RPGRIP1L: variants seen among roughly 807,000 people sequenced by gnomAD.
The protein encoded by RPGRIP1L is protein fantom.
RPGRIP1L carries 131 observed loss-of-function variants against 160.4 expected under a neutral mutation model. The observed-to-expected ratio is 0.82, with a 90% CI of 0.71 to 0.94. The LOEUF is 0.94. Among genes scored for constraint, RPGRIP1L ranks in the 40% least tolerant of loss-of-function variants. The pLI is 0.00. For missense variants in RPGRIP1L, 1,522 were observed against 1,535.8 expected (o/e 0.99, Z 0.15); for synonymous variants, 510 against 515.8 (o/e 0.99, Z 0.15).
At chr16:53,644,009 T>C (rs1047706745) in intron 17 of RPGRIP1L, among the ~76,000 whole-genome samples, 1 of 152,186 alleles carries the variant, frequency 6.6e-6, no homozygotes, top group Admixed American at 6.5e-5. Context: ...ATAATGATAA[T>C]GTTTTATCAA....
chr16:53,633,877 T>G (rs1864181237), intron 22 of RPGRIP1L, among the ~76,000 whole-genome samples: 1 of 152,218 alleles, frequency 6.6e-6, no homozygotes, highest in Non-Finnish European at 1.5e-5. Context: ...AAAGGTTCTA[T>G]TATTCATATT....
In RPGRIP1L at chr16:53,633,619, A is replaced by G. The variant is rs80355602; in HGVS notation, c.3294+2820T>C. On this transcript the variant is annotated intron_variant, in intron 22 of 26. Coordinates refer to ENST00000647211, the MANE Select transcript of RPGRIP1L (RefSeq NM_015272.5). ...AATGAAAACCGTAGATTAGATAACA[A>G]TATTATATAATTGTTCTGAAGTGTT... Among the ~76,000 whole-genome samples the G allele has an allele frequency of 5.6e-3, 854 of 152,346 alleles. 7 individuals are homozygous for G. Among genetic ancestry groups the G allele is most frequent in the Non-Finnish European group, 7.4e-3 (500 of 68,026 alleles).
chr16:53,633,864 G>A (rs529933023), intron 22 of RPGRIP1L, among the ~76,000 whole-genome samples: 1 of 152,172 alleles, frequency 6.6e-6, no homozygotes, highest in Non-Finnish European at 1.5e-5. Context: ...AATCTTTAAA[G>A]AGAAAGGTTC....
chr16:53,669,426 A>G (rs1174769952), intron 9 of RPGRIP1L, among the ~76,000 whole-genome samples: 1 of 151,834 alleles, frequency 6.6e-6, no homozygotes. Flanking sequence ...TTAGTGTGAC[A>G]GGAAAAAAAT....
At chr16:53,695,469 A>C (rs1331600664) in intron 3 of RPGRIP1L, 5 of 702,784 alleles carry the variant, frequency 7.1e-6, no homozygotes, top group South Asian at 3.0e-5. Flanking sequence ...CTAGAACATA[A>C]ATATGAATAC....
At chr16:53,689,882 G>T (rs922061108) in intron 4 of RPGRIP1L, among the ~76,000 whole-genome samples, 1 of 152,206 alleles carries the variant, frequency 6.6e-6, no homozygotes, top group Non-Finnish European at 1.5e-5. Context: ...ATCACCAAGA[G>T]AGTACAAATG....
chr16:53,646,059 C>T, intron 16 of RPGRIP1L, 56 bp from the exon 17 acceptor site: 1 of 1,511,682 alleles, frequency 6.6e-7, no homozygotes, highest in Non-Finnish European at 9.2e-7. Flanking sequence ...AGATGAACAG[C>T]AGCTGCCAAG....
At chr16:53,604,750 A>G (rs777917016) in intron 26 of RPGRIP1L, among the ~76,000 whole-genome samples, 9 of 152,244 alleles carry the variant, frequency 5.9e-5, no homozygotes, top group African/African-American at 1.7e-4. Flanking sequence ...CTTGAGAAAG[A>G]CATTATCAGG....
intron 8 of RPGRIP1L, 100 bp from the exon 9 acceptor site, chr16:53,671,683 T>A (rs1968749970): frequency 1.6e-6 from 1 of 627,630 alleles, no homozygotes; most frequent in Admixed American, 3.0e-5. Context: ...AAGGTTAACA[T>A]GTTTTAATCT....
intron 17 of RPGRIP1L, among the ~76,000 whole-genome samples, chr16:53,644,355 A>G (rs1228239422): frequency 6.6e-6 from 1 of 152,154 alleles, no homozygotes; most frequent in Non-Finnish European, 1.5e-5. Context: ...CATCAAACAT[A>G]CCAGCATATG....
Position 53,636,422 on chromosome 16 carries a change from G to T in RPGRIP1L, c.3294+17C>A. On this transcript the variant is annotated intron_variant, in intron 22 of 26. Transcript: ENST00000647211. ...GCCTTATTTCAGAACATTTCTAGTT[G>T]GCATCAAGTTACTGACCTGTTTGAT... is the stretch of plus-strand genomic sequence containing the variant. The T allele has an allele frequency of 6.5e-7, 1 of 1,543,414 alleles. No individual in the cohort carries two copies. The highest frequency in any genetic ancestry group is 9.0e-7 in the Non-Finnish European group (1 of 1,115,806).
intron 1 of RPGRIP1L, 108 bp from the exon 2 acceptor site, chr16:53,700,838 C>A (rs1351733290): frequency 1.3e-5 from 10 of 792,494 alleles, no homozygotes; most frequent in Middle Eastern, 2.3e-4. Context: ...TAATGGGCAT[C>A]TTATTGTCCA....
intron 14 of RPGRIP1L, among the ~76,000 whole-genome samples, 177 bp downstream of exon 14, chr16:53,656,295 T>A (rs1967250827): frequency 6.6e-6 from 1 of 151,972 alleles, no homozygotes; most frequent in African/African-American, 2.4e-5. Flanking sequence ...ACAAAAAAAT[T>A]AAAAATTAGG....
chr16:53,644,240 A>G (rs1351388873), intron 17 of RPGRIP1L, among the ~76,000 whole-genome samples: 6 of 152,276 alleles, frequency 3.9e-5, no homozygotes, highest in African/African-American at 1.4e-4. Context: ...TGGTAGAAGA[A>G]AGAATTAATG....
At chr16:53,664,162 A>T (rs1968045776) in intron 10 of RPGRIP1L, among the ~76,000 whole-genome samples, 1 of 152,226 alleles carries the variant, frequency 6.6e-6, no homozygotes, top group Non-Finnish European at 1.5e-5. Context: ...ATTTGTGTGT[A>T]TATCTATGTG....
chr16:53,679,462 C>T (rs1447132706), intron 6 of RPGRIP1L, among the ~76,000 whole-genome samples: 2 of 151,280 alleles, frequency 1.3e-5, no homozygotes, highest in South Asian at 2.1e-4. Flanking sequence ...AGTGCAGTGT[C>T]GTGATCTCGG....
intron 3 of RPGRIP1L, chr16:53,695,323 G>C: frequency 1.4e-6 from 1 of 702,414 alleles, no homozygotes; most frequent in South Asian, 1.5e-5. Context: ...AAAGTAAAAG[G>C]CCTGCACATA....
rs1427891079 is a variant in RPGRIP1L, at chr16:53,671,600, A to G, written c.1030-17T>C. The G allele has an allele frequency of 7.5e-7, 1 of 1,329,988 alleles. No homozygotes were observed. Among genetic ancestry groups the G allele is most frequent in the South Asian group, 1.2e-5 (1 of 80,426 alleles). 82.4% of individuals were successfully genotyped at this position (1,329,988 alleles called of 1,614,324 possible). The stretch of plus-strand genomic sequence containing the variant: ...ATCCTGCAGCTAAAATGAAAATAAA[A>G]TTACATATTAAGTAAATATTATATA... On this transcript the variant is annotated splice_polypyrimidine_tract_variant and intron_variant, in intron 8 of 26. Transcript: ENST00000647211.
chr16:53,647,744 A>G (rs953825623), intron 16 of RPGRIP1L, among the ~76,000 whole-genome samples: 1 of 152,184 alleles, frequency 6.6e-6, no homozygotes, highest in Admixed American at 6.5e-5. Flanking sequence ...GACATACCAA[A>G]TGTTTCTACT....
Sources: allele counts gnomAD v4.1 joint callset (sites outside exome capture counted in the v4.1 genomes callset), GRCh38; gene constraint gnomAD v4.1.1; transcripts MANE v1.5; gene names NCBI Gene and HGNC (gene_info 2026-07-23, HGNC 2026-07-21).